Variants in RBMS3 observed in about 807,000 individuals in gnomAD.
RBMS3 encodes the protein RNA-binding motif, single-stranded-interacting protein 3.
A neutral mutation model predicts 66.8 loss-of-function variants in RBMS3; 27 were observed. The observed-to-expected ratio is 0.40, with a 90% CI of 0.30 to 0.56. The LOEUF is 0.56. Ranked by LOEUF, RBMS3 falls within the 20% of genes least tolerant of loss-of-function variation. The pLI is 0.40. For missense variants in RBMS3, 513 were observed against 549.5 expected (o/e 0.93, Z 0.66); for synonymous variants, 188 against 183.0 (o/e 1.03, Z -0.22).
chr3:29,329,558 T>C (rs1023289206), intron 1 of RBMS3, among the ~76,000 whole-genome samples: 1 of 152,024 alleles, frequency 6.6e-6, no homozygotes, highest in Non-Finnish European at 1.5e-5. Flanking sequence ...GAAAACTGAA[T>C]AAGCTTTAGA....
intron 6 of RBMS3, among the ~76,000 whole-genome samples, chr3:29,774,323 G>A (rs2056342072): frequency 6.6e-6 from 1 of 152,028 alleles, no homozygotes; most frequent in Non-Finnish European, 1.5e-5. Context: ...GATAAAGTGT[G>A]TGTAACAGCA....
chr3:29,904,067 G>A (rs2060318274), intron 10 of RBMS3, among the ~76,000 whole-genome samples: 1 of 151,834 alleles, frequency 6.6e-6, no homozygotes, highest in Non-Finnish European at 1.5e-5. Context: ...GTTTTGAGAA[G>A]GCATTATCAC....
At chr3:29,944,971 T>C (rs902129609) in intron 12 of RBMS3, among the ~76,000 whole-genome samples, 5 of 151,794 alleles carry the variant, frequency 3.3e-5, no homozygotes, top group Admixed American at 6.6e-5. Flanking sequence ...TGGATTTTTA[T>C]TTTGAACTGC....
chr3:29,281,379 G>A lies in RBMS3; in HGVS notation c.-303G>A. ...AGACAGCCTGGTTAGAGAACAAACT[G>A]CCTCATCCCAAGTGGACCCCGGCAG... On this transcript the variant is annotated 5_prime_UTR_variant, in exon 1 of 15. Coordinates refer to ENST00000383767, the MANE Select transcript of RBMS3 (RefSeq NM_001003793.3). 2.2e-6 allele frequency: 1 copy of A among 454,440 alleles called. No individual in the cohort carries two copies. The highest frequency in any genetic ancestry group is 4.3e-5 in the East Asian group (1 of 23,284). 28.2% of individuals were successfully genotyped at this position (454,440 alleles called of 1,614,324 possible).
rs577713877 is a variant in RBMS3 at position 29,991,288 on chromosome 3, T to A, written c.1307+79T>A. ...ACTCTCTCATGTTGTATGTGTTAGC[T>A]TTTGCTGAAATATAAACCATCCCAA... is the stretch of plus-strand genomic sequence containing the variant. On this transcript the variant is annotated intron_variant, in intron 14 of 14. Transcript: ENST00000383767. 4.4e-6 allele frequency: 7 copies of A among 1,591,396 alleles called. No individual in the cohort carries two copies. The East Asian group carries it at 1.4e-4, about 31-fold the overall frequency.
intron 6 of RBMS3, among the ~76,000 whole-genome samples, chr3:29,800,050 G>A (rs955228220): frequency 6.6e-6 from 1 of 152,110 alleles, no homozygotes; most frequent in Non-Finnish European, 1.5e-5. Flanking sequence ...ATACTGAATG[G>A]CATTTAGGAA....
intron 4 of RBMS3, among the ~76,000 whole-genome samples, chr3:29,663,501 C>A (rs191376538): frequency 3.1e-4 from 47 of 152,218 alleles, no homozygotes; most frequent in Non-Finnish European, 5.9e-5. Flanking sequence ...TTTTCTGATT[C>A]TTCTTACAAT....
At chr3:29,951,018 G>A (rs927728242) in intron 12 of RBMS3, among the ~76,000 whole-genome samples, 1 of 151,996 alleles carries the variant, frequency 6.6e-6, no homozygotes, top group Non-Finnish European at 1.5e-5. Context: ...CATTGCAAAT[G>A]TTCCTGGTAG....
intron 1 of RBMS3, among the ~76,000 whole-genome samples, chr3:29,341,137 C>T (rs2036257239): frequency 6.6e-6 from 1 of 151,864 alleles, no homozygotes; most frequent in South Asian, 2.1e-4. Flanking sequence ...AAATAAAAAT[C>T]CATATATAAA....
chr3:29,317,355 G>A (rs958769177), intron 1 of RBMS3, among the ~76,000 whole-genome samples: 28 of 151,776 alleles, frequency 1.8e-4, no homozygotes, highest in African/African-American at 6.8e-4. Context: ...ACTTACAGTA[G>A]CATATTGAGT....
intron 6 of RBMS3, among the ~76,000 whole-genome samples, chr3:29,778,359 A>G (rs992380545): frequency 6.0e-5 from 9 of 150,958 alleles, no homozygotes; most frequent in African/African-American, 9.7e-5. Context: ...CTTCACACCA[A>G]TATCTACTAA....
chr3:29,717,595 T>C (rs1169070251), intron 4 of RBMS3, among the ~76,000 whole-genome samples: 1 of 152,172 alleles, frequency 6.6e-6, no homozygotes, highest in Admixed American at 6.5e-5. Flanking sequence ...ATTGCTAATT[T>C]TTAAAAATCT....
intron 1 of RBMS3, among the ~76,000 whole-genome samples, chr3:29,394,601 G>A (rs1303119291): frequency 1.3e-5 from 2 of 152,142 alleles, no homozygotes; most frequent in East Asian, 1.9e-4. Flanking sequence ...AATTATAAAA[G>A]TATTAATTTG....
intron 6 of RBMS3, among the ~76,000 whole-genome samples, chr3:29,864,582 T>G (rs1244251634): frequency 1.3e-5 from 2 of 152,194 alleles, no homozygotes; most frequent in African/African-American, 4.8e-5. Flanking sequence ...AAATAAAGCT[T>G]AAACGTTCCA....
intron 3 of RBMS3, among the ~76,000 whole-genome samples, chr3:29,491,158 TC>T (rs1433820536): frequency 6.6e-6 from 1 of 152,230 alleles, no homozygotes; most frequent in Non-Finnish European, 1.5e-5. Context: ...GGTCAGGGTC[TC>T]CATAAGCAAA....
intron 11 of RBMS3, among the ~76,000 whole-genome samples, chr3:29,940,737 C>T (rs1435228825): frequency 6.8e-6 from 1 of 146,394 alleles, no homozygotes; most frequent in Admixed American, 6.9e-5. Context: ...CTATTTTAAG[C>T]TAGACAGAAT....
At chr3:29,698,240 C>T in intron 4 of RBMS3, 1 of 985,376 alleles carries the variant, frequency 1.0e-6, no homozygotes, top group Non-Finnish European at 1.2e-6. Flanking sequence ...GAGTAATGCA[C>T]AGAATTCTAC....
chr3:29,786,850 T>A (rs763024323), intron 6 of RBMS3, among the ~76,000 whole-genome samples: 3 of 152,120 alleles, frequency 2.0e-5, no homozygotes, highest in Non-Finnish European at 2.9e-5. Context: ...TGGGATTTAA[T>A]TAAACTAAAA....
intron 1 of RBMS3, among the ~76,000 whole-genome samples, chr3:29,423,695 C>A (rs2040837995): frequency 6.6e-6 from 1 of 152,090 alleles, no homozygotes; most frequent in Admixed American, 6.5e-5. Flanking sequence ...CAGTCAGTAC[C>A]CACGTATGTT....
Sources: gnomAD v4.1 joint callset for allele counts (sites outside exome capture counted in the v4.1 genomes callset) on GRCh38, gnomAD v4.1.1 for gene constraint, MANE v1.5 for transcripts, NCBI Gene and HGNC (gene_info 2026-07-23, HGNC 2026-07-21) for gene names.